TIAM2: variants seen among roughly 807,000 people sequenced by gnomAD.
The protein encoded by TIAM2 is rho guanine nucleotide exchange factor TIAM2.
Under a neutral mutation model 152.9 loss-of-function variants are expected in TIAM2, and 80 were observed. The observed-to-expected ratio is 0.52, with a 90% CI of 0.44 to 0.63. TIAM2 has a LOEUF of 0.63. Among genes scored for constraint, TIAM2 ranks in the 30% least tolerant of loss-of-function variants. The probability of loss-of-function intolerance (pLI) is 0.00; values close to 1 mark genes in which losing one functional copy is unlikely to be tolerated. For synonymous variants in TIAM2, 804 were observed against 838.0 expected (o/e 0.96, Z 0.70); for missense variants, 1,965 against 2,120.1 (o/e 0.93, Z 1.44).
intron 9 of TIAM2, among the ~76,000 whole-genome samples, chr6:155,170,311 AT>A (rs1780554650): frequency 7.6e-6 from 1 of 131,906 alleles, no homozygotes; most frequent in South Asian, 2.1e-4. Context: ...TTCCAGCATT[AT>A]ATAACAATGT....
intron 1 of TIAM2, among the ~76,000 whole-genome samples, chr6:155,035,921 T>C (rs1227234393): frequency 6.6e-6 from 1 of 152,222 alleles, no homozygotes; most frequent in Admixed American, 6.5e-5. Flanking sequence ...TGAATGTCTC[T>C]ATACGTATAA....
intron 1 of TIAM2, among the ~76,000 whole-genome samples, chr6:155,021,338 C>T (rs986003328): frequency 6.9e-4 from 105 of 152,104 alleles, no homozygotes; most frequent in African/African-American, 2.4e-3. Context: ...CTCGGCTCAC[C>T]GCAACCTCTG....
At chr6:155,083,544 C>T (rs987070582) in intron 1 of TIAM2, among the ~76,000 whole-genome samples, 3 of 152,154 alleles carry the variant, frequency 2.0e-5, no homozygotes, top group African/African-American at 7.2e-5. Flanking sequence ...CTGCCATAAA[C>T]ATGGTGCATG....
chr6:155,120,487 A>G (rs1325429886), intron 2 of TIAM2, among the ~76,000 whole-genome samples: 1 of 152,330 alleles, frequency 6.6e-6, no homozygotes, highest in East Asian at 1.9e-4. Flanking sequence ...AAGTCTTGGT[A>G]TTCAATTCAT....
intron 4 of TIAM2, 145 bp from the exon 5 acceptor site, chr6:155,137,032 A>C (rs1036457166): frequency 2.4e-6 from 2 of 846,838 alleles, no homozygotes; most frequent in Non-Finnish European, 3.6e-6. Flanking sequence ...TGAAGACTTG[A>C]TGGTTAAAGA....
chr6:155,253,128 G>A, intron 24 of TIAM2, 75 bp downstream of exon 24: 1 of 1,268,428 alleles, frequency 7.9e-7, no homozygotes, highest in East Asian at 2.4e-5. Context: ...ATTAAGAAAG[G>A]ACCTTGGGGA....
intron 7 of TIAM2, among the ~76,000 whole-genome samples, chr6:155,155,851 A>G (rs987162627): frequency 6.6e-6 from 1 of 152,244 alleles, no homozygotes; most frequent in African/African-American, 2.4e-5. Flanking sequence ...ACTCTGGGTC[A>G]GGCAAATGTG....
chr6:155,241,778 G>A (rs1266105850), intron 16 of TIAM2, among the ~76,000 whole-genome samples: 15 of 152,158 alleles, frequency 9.9e-5, no homozygotes, highest in Non-Finnish European at 1.0e-4. Context: ...GTGTGGAGAT[G>A]AAGTGAACAG....
intron 23 of TIAM2, among the ~76,000 whole-genome samples, chr6:155,252,730 A>G (rs1783742668): frequency 6.6e-6 from 1 of 152,184 alleles, no homozygotes; most frequent in Admixed American, 6.5e-5. Context: ...TGAGACCTGT[A>G]ACTGCTTCTG....
chr6:155,241,788 G>C (rs1213244355), intron 16 of TIAM2, among the ~76,000 whole-genome samples: 1 of 152,170 alleles, frequency 6.6e-6, no homozygotes, highest in Non-Finnish European at 1.5e-5. Flanking sequence ...GAAGTGAACA[G>C]CCAGGCTGTT....
chr6:155,176,799 T>C lies in TIAM2; in HGVS notation c.2362-17T>C. The C allele has an allele frequency of 6.2e-7, 1 of 1,602,644 alleles. No individual in the cohort carries two copies. The highest frequency in any genetic ancestry group is 1.1e-5 in the South Asian group (1 of 88,866). On this transcript the variant is annotated splice_polypyrimidine_tract_variant and intron_variant, in intron 9 of 26. Transcript: ENST00000682666. ...TAATCAAATTTGTCTGCATTTTCTTTTGGCATCTACAAACAGGTCGATGAA... is the reference window on the plus strand; with the variant it reads ...TAATCAAATTTGTCTGCATTTTCTTCTGGCATCTACAAACAGGTCGATGAA...
intron 9 of TIAM2, among the ~76,000 whole-genome samples, chr6:155,172,193 G>T (rs1321581910): frequency 6.6e-6 from 1 of 152,114 alleles, no homozygotes; most frequent in Non-Finnish European, 1.5e-5. Context: ...AGTCAGTCTG[G>T]AGTGACTGTG....
At chr6:155,090,961 C>A (rs1778289393) in intron 2 of TIAM2, among the ~76,000 whole-genome samples, 1 of 152,132 alleles carries the variant, frequency 6.6e-6, no homozygotes, top group Admixed American at 6.5e-5. Context: ...GAAAGCTGAA[C>A]AGTTCCCCAG....
chr6:155,176,153 C>T (rs1009920459), intron 9 of TIAM2, among the ~76,000 whole-genome samples: 1 of 152,182 alleles, frequency 6.6e-6, no homozygotes, highest in Admixed American at 6.5e-5. Context: ...GGCTGAGATG[C>T]AGGCTTCACA....
rs11404301 is a variant in TIAM2, at chr6:155,185,123, C to CTTTTTTTTTTTTTTTTTTTTTTTTTT, written c.3064+1646_3064+1647insTTTTTTTTTTTTTTTTTTTTTTTTTT. Among the ~76,000 whole-genome samples, 5 of 92,414 alleles carry CTTTTTTTTTTTTTTTTTTTTTTTTTT rather than the reference C, an allele frequency of 5.4e-5. 1 individual carries two copies. Among genetic ancestry groups the CTTTTTTTTTTTTTTTTTTTTTTTTTT allele is most frequent in the African/African-American group, 8.8e-5 (2 of 22,714 alleles). The allele number at this position is 92,414 out of a possible 152,430, so 60.6% of individuals were successfully genotyped here. A position where few individuals can be genotyped will look rare whatever the true frequency, so the allele number is the denominator to read the frequency against. ...AAAGTAGAGAAAGGGGCAAATTTACCTTTTTTTTTTTTTTTTTTTTTTTGA... is the reference window on the plus strand; with the variant it reads ...AAAGTAGAGAAAGGGGCAAATTTACCTTTTTTTTTTTTTTTTTTTTTTTTTTTTTTTTTTTTTTTTTTTTTTTTTGA... On this transcript the variant is annotated intron_variant, in intron 14 of 26. Coordinates refer to ENST00000682666, the MANE Select transcript of TIAM2 (RefSeq NM_012454.4).
At chr6:155,219,418 A>T (rs1419046261) in intron 15 of TIAM2, among the ~76,000 whole-genome samples, 1 of 151,840 alleles carries the variant, frequency 6.6e-6, no homozygotes, top group Non-Finnish European at 1.5e-5. Flanking sequence ...CCCCTCCTGG[A>T]AGAGAGGCGG....
At chr6:155,061,949 A>G (rs894687529) in intron 1 of TIAM2, among the ~76,000 whole-genome samples, 2 of 152,184 alleles carry the variant, frequency 1.3e-5, no homozygotes, top group African/African-American at 4.8e-5. Context: ...TATCCTTCAA[A>G]AAATTCCTTT....
intron 15 of TIAM2, among the ~76,000 whole-genome samples, chr6:155,233,890 G>C (rs537933129): frequency 4.1e-4 from 63 of 152,098 alleles, no homozygotes; most frequent in African/African-American, 1.3e-3. Context: ...TTAATTTCAG[G>C]AGTTTGAGGC....
chr6:155,036,459 G>A (rs1444331129), intron 1 of TIAM2, among the ~76,000 whole-genome samples: 7 of 150,080 alleles, frequency 4.7e-5, no homozygotes, highest in South Asian at 2.1e-4. Context: ...ACTTGAACCC[G>A]GGAGGTGGAG....
Sources: allele counts gnomAD v4.1 joint callset (sites outside exome capture counted in the v4.1 genomes callset), GRCh38; gene constraint gnomAD v4.1.1; transcripts MANE v1.5; gene names NCBI Gene and HGNC (gene_info 2026-07-23, HGNC 2026-07-21).